WWOX: variants seen among roughly 807,000 people sequenced by gnomAD.
The protein encoded by WWOX is WW domain containing oxidoreductase, also known as WW domain-containing oxidoreductase.
Under a neutral mutation model 46.2 loss-of-function variants are expected in WWOX, and 69 were observed. That is an observed-to-expected ratio of 1.49 (90% CI 1.23 to 1.82). The LOEUF is 1.82. Ranked by LOEUF, WWOX falls within the 40% of genes most tolerant of loss-of-function variation. The probability of loss-of-function intolerance (pLI) is 0.00; values close to 1 mark genes in which losing one functional copy is unlikely to be tolerated. For missense variants in WWOX, 919 were observed against 542.6 expected (o/e 1.69, Z -6.89); for synonymous variants, 359 against 202.6 (o/e 1.77, Z -6.56).
chr16:78,788,009 G>C (rs922292430), intron 8 of WWOX, among the ~76,000 whole-genome samples: 2 of 152,066 alleles, frequency 1.3e-5, no homozygotes, highest in Admixed American at 1.3e-4. Flanking sequence ...TTTTGTTGTT[G>C]AGTTGTAAAA....
At chr16:78,560,400 T>C (rs1009299562) in intron 8 of WWOX, among the ~76,000 whole-genome samples, 7 of 152,160 alleles carry the variant, frequency 4.6e-5, no homozygotes, top group Non-Finnish European at 8.8e-5. Flanking sequence ...CCCAGCACTT[T>C]GGGAGGCCGA....
intron 8 of WWOX, among the ~76,000 whole-genome samples, chr16:79,199,458 C>T (rs184097710): frequency 5.1e-4 from 78 of 152,232 alleles, no homozygotes; most frequent in Non-Finnish European, 2.4e-4. Flanking sequence ...CAAAGACACA[C>T]GAATCTCTTA....
chr16:78,891,610 C>T (rs565283248), intron 8 of WWOX: 1 of 152,280 alleles, frequency 6.6e-6, no homozygotes, highest in African/African-American at 2.4e-5. Context: ...GTGAGAACAC[C>T]TTCAGTTACT....
At chr16:78,750,146 A>C (rs1173221127) in intron 8 of WWOX, among the ~76,000 whole-genome samples, 1 of 152,250 alleles carries the variant, frequency 6.6e-6, no homozygotes. Flanking sequence ...ATAGTGAGCA[A>C]CACCTCGGTG....
At chr16:78,684,312 G>T in intron 8 of WWOX, among the ~76,000 whole-genome samples, 1 of 152,280 alleles carries the variant, frequency 6.6e-6, no homozygotes, top group East Asian at 1.9e-4. Context: ...GAAGGGGAGC[G>T]GTGGCAGGTA....
At position 78,976,534 on chromosome 16, in the gene WWOX, C is replaced by G. The variant is rs548594231; in HGVS notation, c.1057-235074C>G. 1.4e-4 allele frequency among the ~76,000 whole-genome samples: 21 copies of G among 152,320 alleles called. No individual in the cohort carries two copies. In the South Asian group the frequency reaches 3.9e-3, roughly 29 times the overall value. On this transcript the variant is annotated intron_variant, in intron 8 of 8. Transcript: ENST00000566780. ...ACGTGAGGGGTGATGTAGTTGCATG[C>G]ACTTTGCCATCATAGCTTGATCTAG... is the stretch of plus-strand genomic sequence containing the variant.
chr16:78,858,708 C>G (rs1055658828), intron 8 of WWOX, among the ~76,000 whole-genome samples: 3 of 151,654 alleles, frequency 2.0e-5, no homozygotes, highest in South Asian at 2.1e-4. Flanking sequence ...GAGATAGTGT[C>G]TTACTTCATC....
intron 6 of WWOX, among the ~76,000 whole-genome samples, chr16:78,416,882 C>T (rs904214732): frequency 6.6e-6 from 1 of 152,182 alleles, no homozygotes; most frequent in Non-Finnish European, 1.5e-5. Flanking sequence ...GGGGAGGACA[C>T]AGATTCACAG....
intron 8 of WWOX, among the ~76,000 whole-genome samples, chr16:79,194,533 C>T (rs2051199844): frequency 6.6e-6 from 1 of 152,068 alleles, no homozygotes; most frequent in African/African-American, 2.4e-5. Flanking sequence ...GTTTCCTGGC[C>T]CATATGAGAT....
chr16:78,573,401 T>A (rs953415605), intron 8 of WWOX, among the ~76,000 whole-genome samples: 1 of 152,260 alleles, frequency 6.6e-6, no homozygotes, highest in Non-Finnish European at 1.5e-5. Flanking sequence ...CATTTTGACC[T>A]GTGAGATTTT....
At chr16:78,317,118 A>G (rs2080371287) in intron 5 of WWOX, among the ~76,000 whole-genome samples, 1 of 152,194 alleles carries the variant, frequency 6.6e-6, no homozygotes, top group Non-Finnish European at 1.5e-5. Flanking sequence ...GAGAAGGACC[A>G]TCTCACCCGT....
intron 8 of WWOX, among the ~76,000 whole-genome samples, chr16:78,618,750 C>T (rs1056860032): frequency 6.6e-6 from 1 of 151,906 alleles, no homozygotes; most frequent in African/African-American, 2.4e-5. Flanking sequence ...GAATTCCCCA[C>T]TGTCTTCCCC....
chr16:78,650,751 A>T (rs902637141), intron 8 of WWOX, among the ~76,000 whole-genome samples: 6 of 152,332 alleles, frequency 3.9e-5, no homozygotes, highest in African/African-American at 9.6e-5. Flanking sequence ...AGGTTATGGA[A>T]TGGGTTTCCA....
chr16:78,779,595 A>C lies in WWOX; in HGVS notation c.1056+346843A>C, dbSNP rs116595269. 5.6e-3 allele frequency among the ~76,000 whole-genome samples: 853 copies of C among 152,338 alleles called. 4 individuals are homozygous for C. The highest frequency in any genetic ancestry group is 0.02 in the African/African-American group (819 of 41,582). ...ACCCTCACAAGTCTATGAATAGAGT[A>C]TATTACCCACTTCATTTTAAGTAGG... On this transcript the variant is annotated intron_variant, in intron 8 of 8. Coordinates refer to ENST00000566780, the MANE Select transcript of WWOX (RefSeq NM_016373.4).
chr16:78,843,802 A>G (rs1394249604), intron 8 of WWOX, among the ~76,000 whole-genome samples: 3 of 152,174 alleles, frequency 2.0e-5, no homozygotes, highest in Non-Finnish European at 4.4e-5. Context: ...TTTTAAAATA[A>G]GTTTGATTTA....
chr16:78,207,114 C>G (rs908349598), intron 5 of WWOX, among the ~76,000 whole-genome samples: 1 of 152,176 alleles, frequency 6.6e-6, no homozygotes, highest in East Asian at 1.9e-4. Flanking sequence ...CTGGTAATAC[C>G]TATTGCTCAT....
chr16:78,815,264 G>A (rs977645094), intron 8 of WWOX, among the ~76,000 whole-genome samples: 3 of 151,990 alleles, frequency 2.0e-5, no homozygotes, highest in Non-Finnish European at 4.4e-5. Context: ...GATGGAGGTT[G>A]CAGTGAGCCA....
At chr16:78,960,106 A>C (rs929289752) in intron 8 of WWOX, among the ~76,000 whole-genome samples, 15 of 152,152 alleles carry the variant, frequency 9.9e-5, no homozygotes, top group African/African-American at 3.6e-4. Context: ...AGAGTGAGGG[A>C]TAAGGGGTTG....
At chr16:78,415,353 G>C (rs9926427) in intron 6 of WWOX, among the ~76,000 whole-genome samples, 1,909 of 152,130 alleles carry the variant, frequency 0.013, 34 homozygotes, top group African/African-American at 0.043. Flanking sequence ...TGCCATCTTT[G>C]TTTTGGTGGG....
Sources: gnomAD v4.1 joint callset for allele counts (sites outside exome capture counted in the v4.1 genomes callset) on GRCh38, gnomAD v4.1.1 for gene constraint, MANE v1.5 for transcripts, NCBI Gene and HGNC (gene_info 2026-07-23, HGNC 2026-07-21) for gene names.